Variants in GALNTL6 observed in about 807,000 individuals in gnomAD.
GALNTL6 encodes the protein polypeptide N-acetylgalactosaminyltransferase-like 6.
A neutral mutation model predicts 73.7 loss-of-function variants in GALNTL6; 46 were observed. The ratio of observed to expected loss-of-function variants is 0.62; its 90% CI spans 0.49 to 0.80. The LOEUF (loss-of-function observed/expected upper bound fraction) is 0.80. Ranked by LOEUF, GALNTL6 falls within the 30% of genes least tolerant of loss-of-function variation. GALNTL6 has a pLI of 0.00. For synonymous variants in GALNTL6, 259 were observed against 263.7 expected (o/e 0.98, Z 0.17); for missense variants, 604 against 755.0 (o/e 0.80, Z 2.34).
intron 5 of GALNTL6, among the ~76,000 whole-genome samples, chr4:172,631,384 G>C (rs547041320): frequency 2.6e-5 from 4 of 152,016 alleles, no homozygotes; most frequent in Non-Finnish European, 5.9e-5. Context: ...AGCTCAGGTA[G>C]TCCACCTGCC....
At chr4:172,866,565 G>A (rs887969008) in intron 7 of GALNTL6, among the ~76,000 whole-genome samples, 3 of 152,160 alleles carry the variant, frequency 2.0e-5, no homozygotes, top group African/African-American at 4.8e-5. Context: ...GTTGGTTATT[G>A]TTACATTACC....
intron 2 of GALNTL6, among the ~76,000 whole-genome samples, chr4:172,210,558 G>A (rs1203342546): frequency 3.3e-5 from 5 of 152,116 alleles, no homozygotes; most frequent in Non-Finnish European, 7.4e-5. Flanking sequence ...ATGGGATTAT[G>A]TGTTTGGGAG....
At chr4:172,804,966 A>G (rs993375892) in intron 5 of GALNTL6, among the ~76,000 whole-genome samples, 2 of 152,218 alleles carry the variant, frequency 1.3e-5, no homozygotes, top group Non-Finnish European at 2.9e-5. Flanking sequence ...ACACCAAAAT[A>G]CCAACCAATG....
intron 5 of GALNTL6, among the ~76,000 whole-genome samples, chr4:172,389,530 C>T (rs536240339): frequency 1.6e-4 from 24 of 152,124 alleles, no homozygotes; most frequent in African/African-American, 5.5e-4. Context: ...GTAATAAGTT[C>T]TGTTTATGTA....
At chr4:171,910,386 T>TA (rs889419082) in intron 2 of GALNTL6, among the ~76,000 whole-genome samples, 1 of 150,366 alleles carries the variant, frequency 6.7e-6, no homozygotes, top group African/African-American at 2.4e-5. Flanking sequence ...AAACTGGTGA[T>TA]AAAAAAAAGA....
chr4:172,301,311 G>A (rs1373999855), intron 3 of GALNTL6, among the ~76,000 whole-genome samples: 1 of 152,046 alleles, frequency 6.6e-6, no homozygotes, highest in Non-Finnish European at 1.5e-5. Context: ...CCATGGGTTC[G>A]AACTTCCACC....
intron 5 of GALNTL6, among the ~76,000 whole-genome samples, chr4:172,487,296 TTCTG>T (rs201091028): frequency 0.2 from 15,756 of 80,428 alleles, 1,492 homozygotes; most frequent in South Asian, 0.32. Context: ...CCTTCTTTCC[TTCTG>T]TCTTTCTTTC....
intron 5 of GALNTL6, among the ~76,000 whole-genome samples, chr4:172,623,877 A>G (rs1739057412): frequency 6.6e-6 from 1 of 152,066 alleles, no homozygotes; most frequent in Non-Finnish European, 1.5e-5. Flanking sequence ...TTTTTGCTTT[A>G]CCATTATGTC....
intron 5 of GALNTL6, among the ~76,000 whole-genome samples, chr4:172,628,845 C>T (rs837193): frequency 6.6e-6 from 1 of 151,992 alleles, no homozygotes; most frequent in Non-Finnish European, 1.5e-5. Flanking sequence ...GAAAATGTAA[C>T]CTTTCTTGGT....
At chr4:172,043,081 C>T (rs993118987) in intron 2 of GALNTL6, among the ~76,000 whole-genome samples, 6 of 151,914 alleles carry the variant, frequency 3.9e-5, no homozygotes, top group African/African-American at 1.2e-4. Context: ...AAATATGTCC[C>T]GCCCTTTCTC....
At chr4:172,164,895 A>G (rs1734575601) in intron 2 of GALNTL6, among the ~76,000 whole-genome samples, 1 of 152,102 alleles carries the variant, frequency 6.6e-6, no homozygotes, top group Non-Finnish European at 1.5e-5. Context: ...TCTAGTTTAT[A>G]TTGATAGGTC....
intron 12 of GALNTL6, among the ~76,000 whole-genome samples, chr4:173,025,000 A>C (rs1266792642): frequency 6.6e-6 from 1 of 152,148 alleles, no homozygotes; most frequent in African/African-American, 2.4e-5. Context: ...CCTCCCAGCT[A>C]CATGGAGATA....
At chr4:172,732,928 A>C (rs574284019) in intron 5 of GALNTL6, among the ~76,000 whole-genome samples, 6 of 152,310 alleles carry the variant, frequency 3.9e-5, no homozygotes, top group Non-Finnish European at 7.4e-5. Flanking sequence ...ACAGGTTGCC[A>C]TGCTATTTTT....
chr4:172,194,446 C>A (rs1735686458), intron 2 of GALNTL6, among the ~76,000 whole-genome samples: 1 of 152,080 alleles, frequency 6.6e-6, no homozygotes. Flanking sequence ...TCAGGAAGTC[C>A]AGAGAAGCTC....
At chr4:172,818,341 A>G (rs1373596204) in intron 7 of GALNTL6, among the ~76,000 whole-genome samples, 1 of 152,210 alleles carries the variant, frequency 6.6e-6, no homozygotes, top group East Asian at 1.9e-4. Flanking sequence ...CAAGTTGATT[A>G]TATTTTTCAG....
At chr4:172,655,446 T>C (rs1467822456) in intron 5 of GALNTL6, among the ~76,000 whole-genome samples, 1 of 152,196 alleles carries the variant, frequency 6.6e-6, no homozygotes, top group African/African-American at 2.4e-5. Context: ...TTATAAGCCC[T>C]GTACCTGATC....
chr4:171,907,837 G>A (rs1445157162), intron 2 of GALNTL6, among the ~76,000 whole-genome samples: 6 of 151,644 alleles, frequency 4.0e-5, no homozygotes, highest in Admixed American at 2.0e-4. Context: ...CAGAAATAAC[G>A]CCACATATCT....
At chr4:171,958,816 C>T (rs569517155) in intron 2 of GALNTL6, among the ~76,000 whole-genome samples, 13 of 152,110 alleles carry the variant, frequency 8.5e-5, no homozygotes, top group African/African-American at 2.9e-4. Context: ...ATTTCTTTGA[C>T]TCAAATATAT....
chr4:172,101,857 G>A (rs186701997), intron 2 of GALNTL6, among the ~76,000 whole-genome samples: 4 of 151,802 alleles, frequency 2.6e-5, no homozygotes, highest in Admixed American at 2.6e-4. Flanking sequence ...AATTCCTAAA[G>A]TATTTTAAAG....
Sources: gnomAD v4.1 joint callset for allele counts (sites outside exome capture counted in the v4.1 genomes callset) on GRCh38, gnomAD v4.1.1 for gene constraint, MANE v1.5 for transcripts, NCBI Gene and HGNC (gene_info 2026-07-23, HGNC 2026-07-21) for gene names.